NEDD4L: variants seen among roughly 807,000 people sequenced by gnomAD.
The protein encoded by NEDD4L is NEDD4 like E3 ubiquitin protein ligase, also known as E3 ubiquitin-protein ligase NEDD4-like.
Under a neutral mutation model 148.9 loss-of-function variants are expected in NEDD4L, and 54 were observed. That is an observed-to-expected ratio of 0.36 (90% CI 0.29 to 0.45). The LOEUF is 0.45. NEDD4L is among the 20% of genes least tolerant of loss of function. The pLI, the probability that NEDD4L is intolerant of heterozygous loss-of-function variation, is 1.00. For synonymous variants in NEDD4L, 433 were observed against 440.7 expected (o/e 0.98, Z 0.22); for missense variants, 856 against 1,233.8 (o/e 0.69, Z 4.59).
At position 58,368,652 on chromosome 18, in the gene NEDD4L, C is replaced by A. The variant is rs200868060; in HGVS notation, c.2185+785C>A. ...AACTGTGTTCATTGCATTTATAGAG[C>A]CTTAGCTATTCTAATAAATAATTTG... On this transcript the variant is annotated intron_variant, in intron 22 of 30. Coordinates refer to ENST00000400345, the MANE Select transcript of NEDD4L (RefSeq NM_001144967.3). Among the ~76,000 whole-genome samples, 27 of 152,318 alleles carry A rather than the reference C, an allele frequency of 1.8e-4. No homozygotes were observed. In the East Asian group the frequency reaches 5.2e-3, roughly 29 times the overall value.
intron 2 of NEDD4L, among the ~76,000 whole-genome samples, chr18:58,196,008 A>G (rs1014305348): frequency 6.6e-5 from 10 of 152,210 alleles, no homozygotes; most frequent in Admixed American, 2.6e-4. Flanking sequence ...TGGTGCAGTC[A>G]AAAATTACAC....
intron 5 of NEDD4L, among the ~76,000 whole-genome samples, chr18:58,265,946 T>C (rs1038216932): frequency 6.6e-6 from 1 of 152,052 alleles, no homozygotes; most frequent in Non-Finnish European, 1.5e-5. Context: ...ACTAAAGAAA[T>C]GAATATTTTA....
At chr18:58,115,714 G>A (rs1332683919) in intron 1 of NEDD4L, among the ~76,000 whole-genome samples, 5 of 152,140 alleles carry the variant, frequency 3.3e-5, no homozygotes, top group African/African-American at 1.2e-4. Context: ...TGTGTTGCGT[G>A]GCAATGCCGT....
At chr18:58,047,571 T>G (rs2081645154) in intron 1 of NEDD4L, 1 of 934,940 alleles carries the variant, frequency 1.1e-6, no homozygotes, top group African/African-American at 1.8e-5. Flanking sequence ...ATTTTTTCTG[T>G]GTGTTTCGGG....
chr18:58,215,475 A>G (rs575459185), intron 2 of NEDD4L, among the ~76,000 whole-genome samples: 2 of 152,278 alleles, frequency 1.3e-5, no homozygotes, highest in Non-Finnish European at 2.9e-5. Context: ...TTTTTCATTG[A>G]TAAGAATTCT....
chr18:58,370,127 G>A (rs151114939), intron 22 of NEDD4L, among the ~76,000 whole-genome samples: 42 of 152,082 alleles, frequency 2.8e-4, no homozygotes, highest in African/African-American at 8.4e-4. Context: ...TTTGCACTGC[G>A]GACTCTGCTT....
chr18:58,275,045 A>G (rs1407360188), intron 5 of NEDD4L, among the ~76,000 whole-genome samples: 1 of 152,214 alleles, frequency 6.6e-6, no homozygotes, highest in Non-Finnish European at 1.5e-5. Flanking sequence ...GGGTGTCAGC[A>G]TCTTAACACA....
intron 19 of NEDD4L, 116 bp from the exon 20 acceptor site, chr18:58,364,152 G>T: frequency 1.4e-6 from 1 of 692,466 alleles, no homozygotes. Flanking sequence ...TGGATAATCT[G>T]AGAAGTGAGA....
intron 5 of NEDD4L, among the ~76,000 whole-genome samples, chr18:58,278,178 T>C (rs1049104978): frequency 1.3e-5 from 2 of 152,194 alleles, no homozygotes; most frequent in African/African-American, 4.8e-5. Flanking sequence ...CATAAGAAAT[T>C]CAGATAGGCT....
intron 21 of NEDD4L, among the ~76,000 whole-genome samples, 184 bp from the exon 22 acceptor site, chr18:58,367,562 C>T (rs1335868060): frequency 6.6e-6 from 1 of 152,224 alleles, no homozygotes; most frequent in African/African-American, 2.4e-5. Context: ...GCACATGCGT[C>T]AGCCTCCATG....
intron 1 of NEDD4L, among the ~76,000 whole-genome samples, chr18:58,066,351 T>C (rs2082589655): frequency 1.5e-4 from 1 of 6,818 alleles, no homozygotes; most frequent in Non-Finnish European, 2.3e-4. Flanking sequence ...TTGGGTTTAT[T>C]TTGGTGAAAT....
intron 19 of NEDD4L, among the ~76,000 whole-genome samples, chr18:58,359,206 C>T (rs2045139211): frequency 6.6e-6 from 1 of 152,120 alleles, no homozygotes; most frequent in African/African-American, 2.4e-5. Context: ...TTCTCTTTCT[C>T]TGTTCGTATT....
intron 1 of NEDD4L, among the ~76,000 whole-genome samples, chr18:58,060,550 A>C (rs900077190): frequency 1.3e-5 from 2 of 152,144 alleles, no homozygotes; most frequent in Admixed American, 6.5e-5. Context: ...GGCAGGAGGT[A>C]TTTAGGAGGC....
intron 5 of NEDD4L, among the ~76,000 whole-genome samples, chr18:58,267,823 G>T (rs189679463): frequency 6.6e-6 from 1 of 152,188 alleles, no homozygotes; most frequent in East Asian, 1.9e-4. Context: ...GATGAATAAT[G>T]TGTGGGCATT....
intron 2 of NEDD4L, among the ~76,000 whole-genome samples, chr18:58,212,029 A>G (rs1250062532): frequency 6.6e-6 from 1 of 152,246 alleles, no homozygotes; most frequent in Non-Finnish European, 1.5e-5. Context: ...ACAAGAAAAT[A>G]TAAGAACCTA....
At chr18:58,187,952 T>A (rs2039655437) in intron 2 of NEDD4L, among the ~76,000 whole-genome samples, 1 of 152,230 alleles carries the variant, frequency 6.6e-6, no homozygotes, top group Non-Finnish European at 1.5e-5. Context: ...CTGTTATCTC[T>A]TGTTTGCATT....
Position 58,256,814 on chromosome 18 carries a change from A to T in NEDD4L, c.297+4760A>T, listed in dbSNP as rs776085304. The T allele has an allele frequency of 9.8e-6, 12 of 1,228,348 alleles. No homozygotes were observed. Among genetic ancestry groups the T allele is most frequent in the Non-Finnish European group, 1.2e-5 (12 of 984,900 alleles). The allele number at this position is 1,228,348 out of a possible 1,614,324, so 76.1% of individuals were successfully genotyped here. On this transcript the variant is annotated intron_variant, in intron 5 of 30. Transcript: ENST00000400345. This position sits in a 1 kb window ranked among gnomAD's most constrained non-coding sequence, Gnocchi z 5.2. ...TGTTTACATGTGTTTACTGATTTCA[A>T]CTTCGATGCTTACTCTGCGGCGTAA...
intron 2 of NEDD4L, among the ~76,000 whole-genome samples, chr18:58,208,165 T>C (rs1433697771): frequency 6.6e-6 from 1 of 152,236 alleles, no homozygotes; most frequent in Non-Finnish European, 1.5e-5. Flanking sequence ...TAACATTTTA[T>C]TCACTGGGAT....
At chr18:58,262,258 T>C (rs1414616978) in intron 5 of NEDD4L, among the ~76,000 whole-genome samples, 1 of 152,198 alleles carries the variant, frequency 6.6e-6, no homozygotes, top group African/African-American at 2.4e-5. Context: ...TATTGAAAGA[T>C]TTTTAGAAAT....
Sources: gnomAD v4.1 joint callset for allele counts (sites outside exome capture counted in the v4.1 genomes callset) on GRCh38, gnomAD v4.1.1 for gene constraint, Gnocchi (gnomAD v3.1) non-coding constraint, MANE v1.5 for transcripts, NCBI Gene and HGNC (gene_info 2026-07-23, HGNC 2026-07-21) for gene names.